Variants in PPP1R9A observed in about 807,000 individuals in gnomAD.
PPP1R9A encodes the protein neurabin-1.
A neutral mutation model predicts 141.9 loss-of-function variants in PPP1R9A; 59 were observed. The observed-to-expected ratio is 0.42, with a 90% CI of 0.34 to 0.52. PPP1R9A has a LOEUF of 0.52. PPP1R9A is among the 20% of genes least tolerant of loss of function. The pLI, the probability that PPP1R9A is intolerant of heterozygous loss-of-function variation, is 0.10. For missense variants in PPP1R9A, 1,444 were observed against 1,611.9 expected (o/e 0.90, Z 1.78); for synonymous variants, 500 against 569.7 (o/e 0.88, Z 1.74).
intron 4 of PPP1R9A, among the ~76,000 whole-genome samples, chr7:95,159,695 G>A (rs189740465): frequency 2.6e-4 from 39 of 152,082 alleles, no homozygotes; most frequent in East Asian, 1.2e-3. Context: ...AGGCCGAGGC[G>A]GGAAGATCAC....
rs1801819461 is a variant in PPP1R9A at position 95,269,469 on chromosome 7, A to G, written c.3086A>G (p.His1029Arg). The change falls in exon 14 of 20, where the codon CAT (histidine) becomes CGT (arginine). Residue 1029 changes from histidine to arginine, a missense_variant. Physicochemically the swap from His to Arg is conservative, Grantham distance 29. Around this residue, in one of 5 missense-constraint regions of PPP1R9A, gnomAD observed 459 missense variants for 513.8 expected, o/e 0.89. Coordinates refer to ENST00000433360, the MANE Select transcript of PPP1R9A (RefSeq NM_001166160.2). Reference sequence around the variant, plus strand: ...CATGATGTGGAAGAATCTCCTTGCCATCACCAAACCACCAACAAGAAAATA... The same window carrying G: ...CATGATGTGGAAGAATCTCCTTGCCGTCACCAAACCACCAACAAGAAAATA... ...SDHDVEESPC[H>R]HQTTNKKILR... 1 of 1,586,404 alleles carries G rather than the reference A, an allele frequency of 6.3e-7. No individual in the cohort carries two copies. The highest frequency in any genetic ancestry group is 2.2e-5 in the East Asian group (1 of 44,792).
At chr7:95,008,868 AC>A (rs995159533) in intron 2 of PPP1R9A, among the ~76,000 whole-genome samples, 31 of 152,278 alleles carry the variant, frequency 2.0e-4, no homozygotes, top group African/African-American at 6.7e-4. Context: ...TTATTTTGGC[AC>A]TATTCACAAT....
chr7:95,195,532 C>T (rs1223987159), intron 5 of PPP1R9A, among the ~76,000 whole-genome samples: 1 of 151,424 alleles, frequency 6.6e-6, no homozygotes, highest in African/African-American at 2.4e-5. Flanking sequence ...CCCACCTTGG[C>T]CTCCCGAAGT....
rs1224221588 is a variant in PPP1R9A at position 94,934,073 on chromosome 7, A to C, written c.1395+22565A>C. ...TAGTCTTTGAAAACTTTTGTGAAAT[A>C]GTTCATATTTAACAGATGAGGAACC... On this transcript the variant is annotated intron_variant, in intron 2 of 19. Coordinates refer to ENST00000433360, the MANE Select transcript of PPP1R9A (RefSeq NM_001166160.2). Among the ~76,000 whole-genome samples, 4 of 152,224 alleles carry C rather than the reference A, an allele frequency of 2.6e-5. No homozygotes were observed. The East Asian group carries it at 7.7e-4, about 29-fold the overall frequency.
At chr7:95,264,659 G>A (rs1800980070) in intron 12 of PPP1R9A, among the ~76,000 whole-genome samples, 1 of 152,132 alleles carries the variant, frequency 6.6e-6, no homozygotes, top group African/African-American at 2.4e-5. Flanking sequence ...AAACTGCTCT[G>A]TCATTAGCTA....
chr7:95,263,029 G>A lies in PPP1R9A; in HGVS notation c.2666-5521G>A, dbSNP rs1800672596. 9.2e-5 allele frequency among the ~76,000 whole-genome samples: 14 copies of A among 152,226 alleles called. No homozygotes were observed. In the South Asian group the frequency reaches 2.9e-3, roughly 32 times the overall value. On this transcript the variant is annotated intron_variant, in intron 12 of 19. Transcript: ENST00000433360. ...TATCTGGCAGTTAGTAAGGTAGCAA[G>A]CCAGGCAGACAATCACCACAGATGT...
intron 2 of PPP1R9A, among the ~76,000 whole-genome samples, chr7:95,075,300 T>A (rs6651105): frequency 2.6e-5 from 4 of 151,952 alleles, no homozygotes; most frequent in Admixed American, 6.6e-5. Context: ...CTAGATCCTC[T>A]TGTAATTTTA....
intron 4 of PPP1R9A, among the ~76,000 whole-genome samples, chr7:95,153,725 G>C (rs148476527): frequency 1.3e-5 from 2 of 152,246 alleles, no homozygotes; most frequent in Non-Finnish European, 2.9e-5. Context: ...GTTAGTTCTT[G>C]CTTGAAAGTT....
chr7:95,028,329 C>G (rs757808222), intron 2 of PPP1R9A, among the ~76,000 whole-genome samples: 2 of 152,070 alleles, frequency 1.3e-5, no homozygotes. Flanking sequence ...CCTAGAATAA[C>G]TGATATTTCT....
chr7:95,191,085 A>G (rs1835431960), intron 5 of PPP1R9A, among the ~76,000 whole-genome samples: 1 of 152,240 alleles, frequency 6.6e-6, no homozygotes, highest in Non-Finnish European at 1.5e-5. Context: ...TATGACTTCA[A>G]TTTAGTAAAT....
intron 6 of PPP1R9A, among the ~76,000 whole-genome samples, chr7:95,199,723 C>G (rs1789108207): frequency 6.6e-6 from 1 of 152,114 alleles, no homozygotes; most frequent in Non-Finnish European, 1.5e-5. Flanking sequence ...AGTATATTTT[C>G]ATTACACTGA....
intron 17 of PPP1R9A, among the ~76,000 whole-genome samples, chr7:95,284,679 A>G (rs959689245): frequency 6.6e-5 from 10 of 152,324 alleles, no homozygotes; most frequent in Non-Finnish European, 2.9e-5. Flanking sequence ...AAACAAACCA[A>G]TGATGACATA....
chr7:95,127,546 A>G (rs1823790372), intron 4 of PPP1R9A, among the ~76,000 whole-genome samples: 1 of 148,314 alleles, frequency 6.7e-6, no homozygotes, highest in South Asian at 2.1e-4. Flanking sequence ...TTCAGGAGGT[A>G]TATGTGCACT....
intron 4 of PPP1R9A, among the ~76,000 whole-genome samples, chr7:95,143,910 T>G (rs1409908641): frequency 3.9e-5 from 6 of 152,124 alleles, no homozygotes; most frequent in African/African-American, 1.4e-4. Context: ...GATATTTTGA[T>G]GTGCATATAC....
chr7:95,082,065 A>G (rs1815930052), intron 2 of PPP1R9A, among the ~76,000 whole-genome samples: 1 of 151,922 alleles, frequency 6.6e-6, no homozygotes, highest in Non-Finnish European at 1.5e-5. Context: ...GGATAACCCC[A>G]CTCACAAAGA....
At chr7:94,937,781 A>G (rs1794924297) in intron 2 of PPP1R9A, among the ~76,000 whole-genome samples, 1 of 152,168 alleles carries the variant, frequency 6.6e-6, no homozygotes, top group South Asian at 2.1e-4. Context: ...TTCTATAGCC[A>G]TTTACTTAGG....
chr7:95,112,080 A>G lies in PPP1R9A; in HGVS notation c.1528+689A>G, dbSNP rs572567178. On this transcript the variant is annotated intron_variant, in intron 3 of 19. Transcript: ENST00000433360. Reference sequence around the variant, plus strand: ...AGAACAAACAGATGATGACTTGAATAACAAGAAAAAAAGAAACAAAAACCT... The same window carrying G: ...AGAACAAACAGATGATGACTTGAATGACAAGAAAAAAAGAAACAAAAACCT... Among the ~76,000 whole-genome samples, 45 of 152,286 alleles carry G rather than the reference A, an allele frequency of 3.0e-4. 1 individual carries two copies. Among genetic ancestry groups the G allele is most frequent in the South Asian group, 2.3e-3 (11 of 4,830 alleles).
At position 95,282,325 on chromosome 7, in the gene PPP1R9A, C is replaced by T. The variant is rs74737606; in HGVS notation, c.3297-1693C>T. Among the ~76,000 whole-genome samples, 52 of 152,156 alleles carry T rather than the reference C, an allele frequency of 3.4e-4. 2 individuals carry two copies. In the East Asian group the frequency reaches 8.5e-3, roughly 25 times the overall value. On this transcript the variant is annotated intron_variant, in intron 16 of 19. Transcript: ENST00000433360. The stretch of plus-strand genomic sequence containing the variant: ...CTAGCCTGGGTTACAGAGCGAGACC[C>T]TGTCTCAAAAAAAAGAAAACAGAAG...
chr7:95,053,991 A>C (rs1811151833), intron 2 of PPP1R9A, among the ~76,000 whole-genome samples: 1 of 152,240 alleles, frequency 6.6e-6, no homozygotes. Context: ...ATGTTAAATC[A>C]GCTAAAATAA....
Sources: allele counts gnomAD v4.1 joint callset (sites outside exome capture counted in the v4.1 genomes callset), GRCh38; gene constraint gnomAD v4.1.1; regional missense constraint gnomAD v4.1.1; transcripts MANE v1.5; gene names NCBI Gene and HGNC (gene_info 2026-07-23, HGNC 2026-07-21).